ACTN2: variants seen among roughly 807,000 people sequenced by gnomAD.
The protein encoded by ACTN2 is actinin alpha 2.
In ACTN2, 39 loss-of-function variants were observed where a neutral mutation model predicts 113.8. That is an observed-to-expected ratio of 0.34 (90% CI 0.27 to 0.45). The LOEUF is 0.45. Among genes scored for constraint, ACTN2 ranks in the 20% least tolerant of loss-of-function variants. The pLI, the probability that ACTN2 is intolerant of heterozygous loss-of-function variation, is 1.00. For missense variants in ACTN2, 992 were observed against 1,177.9 expected, an observed-to-expected ratio of 0.84 and a Z score of 2.31; for synonymous variants, 429 against 444.1, an observed-to-expected ratio of 0.97 and a Z score of 0.43.
At chr1:236,687,641 A>C (rs548978157) in intron 1 of ACTN2, among the ~76,000 whole-genome samples, 2 of 152,100 alleles carry the variant, frequency 1.3e-5, no homozygotes, top group Non-Finnish European at 1.5e-5. Flanking sequence ...TTTTCCGCCT[A>C]TTTTTCTGGG....
chr1:236,689,052 T>G (rs1665974497), intron 1 of ACTN2, among the ~76,000 whole-genome samples: 1 of 152,216 alleles, frequency 6.6e-6, no homozygotes, highest in Non-Finnish European at 1.5e-5. Context: ...AAAGCCTTGC[T>G]GTAGAAGGAC....
chr1:236,709,255 T>TATATATATATATACACAC (rs796606511), intron 1 of ACTN2, among the ~76,000 whole-genome samples: 25 of 68,898 alleles, frequency 3.6e-4, no homozygotes, highest in Non-Finnish European at 5.3e-4. Context: ...TATATATATA[T>TATATATATATATACACAC]ACACACACAC....
intron 19 of ACTN2, among the ~76,000 whole-genome samples, chr1:236,760,700 A>C (rs1659679140): frequency 6.6e-6 from 1 of 152,200 alleles, no homozygotes; most frequent in South Asian, 2.1e-4. Context: ...GAAAGGGCTC[A>C]GCTCCCGCTT....
intron 1 of ACTN2, among the ~76,000 whole-genome samples, chr1:236,716,483 A>G (rs1042202396): frequency 1.3e-5 from 2 of 152,154 alleles, no homozygotes; most frequent in African/African-American, 2.4e-5. Context: ...AATAAACAGA[A>G]TAACTTTAGA....
In ACTN2 at chr1:236,752,620, C is replaced by T. The variant is rs560283670; in HGVS notation, c.1839+968C>T. 3.9e-5 allele frequency among the ~76,000 whole-genome samples: 6 copies of T among 152,206 alleles called. No individual in the cohort carries two copies. The South Asian group carries it at 6.2e-4, about 16-fold the overall frequency. On this transcript the variant is annotated intron_variant, in intron 15 of 20. Coordinates refer to ENST00000366578, the MANE Select transcript of ACTN2 (RefSeq NM_001103.4). ...AGGCTAGAGTGCAGAGGCAAAATCT[C>T]GGCTCATTGCAACCTCTTCCTCGTG... is the stretch of plus-strand genomic sequence containing the variant.
intron 9 of ACTN2, among the ~76,000 whole-genome samples, chr1:236,737,853 A>T (rs773380498): frequency 4.6e-5 from 7 of 152,182 alleles, no homozygotes; most frequent in Non-Finnish European, 1.0e-4. Flanking sequence ...ATACGTAGCG[A>T]CTACGCAGTA....
At chr1:236,709,288 ATGTATATATG>A (rs1657941618) in intron 1 of ACTN2, among the ~76,000 whole-genome samples, 1 of 141,306 alleles carries the variant, frequency 7.1e-6, no homozygotes, top group East Asian at 2.0e-4. Flanking sequence ...ATGTATATAT[ATGTATATATG>A]TATATATACG....
intron 20 of ACTN2, 28 bp from the exon 21 acceptor site, chr1:236,762,433 C>G (rs1282265883): frequency 6.2e-7 from 1 of 1,613,618 alleles, no homozygotes; most frequent in Non-Finnish European, 8.5e-7. Context: ...CTGCAACTGA[C>G]TGCAAACACG....
chr1:236,711,153 C>A (rs1414197864), intron 1 of ACTN2, among the ~76,000 whole-genome samples: 1 of 152,188 alleles, frequency 6.6e-6, no homozygotes, highest in Non-Finnish European at 1.5e-5. Flanking sequence ...ACTGACTGCC[C>A]ACCCTGGCCA....
intron 8 of ACTN2, chr1:236,736,558 G>T (rs1384357551): frequency 1.3e-6 from 2 of 1,517,044 alleles, no homozygotes; most frequent in Non-Finnish European, 1.8e-6. Flanking sequence ...TCTCATCTAG[G>T]TTAGACAAAG....
At chr1:236,716,099 C>CTT (rs74259944) in intron 1 of ACTN2, among the ~76,000 whole-genome samples, 13 of 118,114 alleles carry the variant, frequency 1.1e-4, no homozygotes, top group East Asian at 4.7e-4. Context: ...CCTTCTTCTT[C>CTT]TTTTTTTTTT....
Position 236,709,344 on chromosome 1 carries a change from GTA to G in ACTN2, c.127-8501_127-8500del, listed in dbSNP as rs143270971. On this transcript the variant is annotated intron_variant, in intron 1 of 20. Transcript: ENST00000366578. The stretch of plus-strand genomic sequence containing the variant: ...TATATATACATGTATATATATACGT[GTA>G]TATATATATATACGTGTGTGTGTAT... Among the ~76,000 whole-genome samples, 56 of 133,804 alleles carry G rather than the reference GTA, an allele frequency of 4.2e-4. 1 individual carries two copies. Among genetic ancestry groups the G allele is most frequent in the African/African-American group, 8.7e-4 (30 of 34,646 alleles). The allele number at this position is 133,804 out of a possible 152,430, so 87.8% of individuals were successfully genotyped here.
At chr1:236,696,714 G>GGAGTGCA (rs903533199) in intron 1 of ACTN2, among the ~76,000 whole-genome samples, 4 of 146,012 alleles carry the variant, frequency 2.7e-5, no homozygotes, top group African/African-American at 1.0e-4. Flanking sequence ...TCGCCAGGCT[G>GGAGTGCA]GAGTGCAGTG....
chr1:236,696,994 C>T (rs1657526590), intron 1 of ACTN2, among the ~76,000 whole-genome samples: 1 of 152,148 alleles, frequency 6.6e-6, no homozygotes, highest in African/African-American at 2.4e-5. Context: ...TGCCCTTGAC[C>T]AATACCACAA....
Position 236,686,565 on chromosome 1 carries a change from C to T in ACTN2, c.-109C>T, listed in dbSNP as rs1428659546. 1.0e-5 allele frequency: 13 copies of T among 1,279,602 alleles called. No homozygotes were observed. The highest frequency in any genetic ancestry group is 1.3e-5 in the Non-Finnish European group (13 of 1,000,424). 79.3% of individuals were successfully genotyped at this position (1,279,602 alleles called of 1,614,324 possible). A position where few individuals can be genotyped will look rare whatever the true frequency, so the allele number is the denominator to read the frequency against. ...GCCCCGAGAGGAGCCGCGCGAAGGT[C>T]ACCCCGCGCCCGCCGCCCGCCGCCC... On this transcript the variant is annotated 5_prime_UTR_variant, in exon 1 of 21. Coordinates refer to ENST00000366578, the MANE Select transcript of ACTN2 (RefSeq NM_001103.4).
chr1:236,735,513 A>G (rs978266233), intron 7 of ACTN2, 122 bp from the exon 8 acceptor site: 2 of 871,098 alleles, frequency 2.3e-6, no homozygotes, highest in Non-Finnish European at 3.8e-6. Flanking sequence ...CATGAAACAC[A>G]GAAATCTGGT....
At chr1:236,731,415 T>C (rs1658709902) in intron 7 of ACTN2, 101 bp downstream of exon 7, 2 of 906,090 alleles carry the variant, frequency 2.2e-6, no homozygotes, top group South Asian at 2.7e-5. Flanking sequence ...CGAAGTTACA[T>C]CCGAAGTACT....
In ACTN2 at chr1:236,754,094, C is replaced by T. The variant is rs758836174; in HGVS notation, c.1974+13C>T. The T allele has an allele frequency of 1.2e-6, 2 of 1,613,416 alleles. No homozygotes were observed. The highest frequency in any genetic ancestry group is 1.3e-5 in the African/African-American group (1 of 75,076). On this transcript the variant is annotated intron_variant, in intron 16 of 20. Coordinates refer to ENST00000366578, the MANE Select transcript of ACTN2 (RefSeq NM_001103.4). The surrounding 1 kb of genome is among the most constrained non-coding windows in gnomAD (Gnocchi z 4.9). ...GAACAAGATGGAGGTAAGCCAGCGC[C>T]CTCCCAGGCGCTGTTCACAAGCCTT... is the stretch of plus-strand genomic sequence containing the variant.
chr1:236,749,392 C>T, intron 14 of ACTN2, 128 bp downstream of exon 14: 1 of 1,193,270 alleles, frequency 8.4e-7, no homozygotes, highest in Non-Finnish European at 1.2e-6. Flanking sequence ...GCTAGAAAGC[C>T]CAAATTACCC....
Sources: gnomAD v4.1 joint callset for allele counts (sites outside exome capture counted in the v4.1 genomes callset) on GRCh38, gnomAD v4.1.1 for gene constraint, Gnocchi (gnomAD v3.1) non-coding constraint, MANE v1.5 for transcripts, NCBI Gene and HGNC (gene_info 2026-07-23, HGNC 2026-07-21) for gene names.